Variants in TBC1D8B observed in about 807,000 individuals in gnomAD.
The protein encoded by TBC1D8B is RP11-321G1.1.
TBC1D8B carries 75 observed loss-of-function variants against 82.9 expected under a neutral mutation model. The observed-to-expected ratio is 0.90, with a 90% CI of 0.75 to 1.10. The LOEUF (loss-of-function observed/expected upper bound fraction) is 1.10, where lower values mean the gene tolerates loss of function less well. Ranked by LOEUF, TBC1D8B falls within the 50% of genes least tolerant of loss-of-function variation. The pLI, the probability that TBC1D8B is intolerant of heterozygous loss-of-function variation, is 0.00. For missense variants in TBC1D8B, 794 were observed against 796.9 expected, an observed-to-expected ratio of 1.00 and a Z score of 0.04; for synonymous variants, 276 against 276.8, an observed-to-expected ratio of 1.00 and a Z score of 0.03.
In TBC1D8B at chrX:106,875,223, T is replaced by G. The variant is rs1932879357; in HGVS notation, c.*1258T>G. 8.9e-6 allele frequency: 1 copy of G among 111,952 alleles called. No individual in the cohort carries two copies. The highest frequency in any genetic ancestry group is 3.3e-5 in the African/African-American group (1 of 30,731). The allele number at this position is 111,952 out of a possible 1,213,427, so 9.2% of individuals were successfully genotyped here. On this transcript the variant is annotated 3_prime_UTR_variant, in exon 21 of 21. Coordinates refer to ENST00000357242, the MANE Select transcript of TBC1D8B (RefSeq NM_017752.3). ...GGAGAAATCATTCATTGGAGCTTCTTTCTTTAGAAAAGACTTTGGTTATAA... is the reference window on the plus strand; with the variant it reads ...GGAGAAATCATTCATTGGAGCTTCTGTCTTTAGAAAAGACTTTGGTTATAA...
At chrX:106,833,427 G>GTA (rs1932090983) in intron 7 of TBC1D8B, among the ~76,000 whole-genome samples, 1 of 111,398 alleles carries the variant, frequency 9.0e-6, no homozygotes, top group African/African-American at 3.3e-5. Flanking sequence ...ATTTATCCAA[G>GTA]TATATATATA....
chrX:106,820,802 A>T, intron 2 of TBC1D8B, 75 bp from the exon 3 acceptor site: 1 of 670,985 alleles, frequency 1.5e-6, no homozygotes. Context: ...TTTTTAAACT[A>T]TGCTTTTAAA....
chrX:106,811,978 T>C (rs1287710442), intron 1 of TBC1D8B, among the ~76,000 whole-genome samples: 2 of 111,721 alleles, frequency 1.8e-5, no homozygotes, highest in Non-Finnish European at 3.8e-5. Context: ...AAGATTTCAG[T>C]TAGGGAAGGA....
chrX:106,836,700 T>C (rs1315621740), intron 7 of TBC1D8B, among the ~76,000 whole-genome samples: 2 of 110,887 alleles, frequency 1.8e-5, no homozygotes, highest in Non-Finnish European at 3.8e-5. Flanking sequence ...TAAAGTTTTA[T>C]GTGGAAATAC....
chrX:106,868,816 C>A (rs780089692), intron 18 of TBC1D8B, among the ~76,000 whole-genome samples: 1 of 112,098 alleles, frequency 8.9e-6, no homozygotes, highest in East Asian at 2.8e-4. Context: ...ATTTTTCAAA[C>A]AGTGAATACT....
intron 8 of TBC1D8B, 57 bp from the exon 9 acceptor site, chrX:106,839,991 T>G: frequency 9.1e-7 from 1 of 1,101,794 alleles, no homozygotes; most frequent in South Asian, 2.2e-5. Flanking sequence ...GGAAAGTTAT[T>G]TTGCAGAAGT....
chrX:106,850,340 G>C lies in TBC1D8B; in HGVS notation c.2123+30G>C, dbSNP rs901675677. The C allele has an allele frequency of 2.6e-6, 3 of 1,133,578 alleles. No individual in the cohort carries two copies. In the African/African-American group the frequency reaches 5.5e-5, roughly 21 times the overall value. The allele number at this position is 1,133,578 out of a possible 1,213,427, so 93.4% of individuals were successfully genotyped here. A position where few individuals can be genotyped will look rare whatever the true frequency, so the allele number is the denominator to read the frequency against. On this transcript the variant is annotated intron_variant, in intron 12 of 20. Transcript: ENST00000357242. ...TGTAAGAACCATAACATTTAAATCTGGAGGAGATTTGAGAGATGATGTTGT... is the reference window on the plus strand; with the variant it reads ...TGTAAGAACCATAACATTTAAATCTCGAGGAGATTTGAGAGATGATGTTGT...
chrX:106,834,103 A>G (rs1265013673), intron 7 of TBC1D8B, among the ~76,000 whole-genome samples: 3 of 110,845 alleles, frequency 2.7e-5, no homozygotes, highest in Non-Finnish European at 3.8e-5. Flanking sequence ...CTTGAATCCT[A>G]TCTATACTCA....
chrX:106,803,730 A>C (rs898019664), intron 1 of TBC1D8B, among the ~76,000 whole-genome samples: 4 of 111,316 alleles, frequency 3.6e-5, no homozygotes, highest in Non-Finnish European at 3.8e-5. Context: ...TGTCTAACCC[A>C]CCCTGACCCC....
intron 1 of TBC1D8B, among the ~76,000 whole-genome samples, chrX:106,809,616 G>A (rs990264112): frequency 2.7e-5 from 3 of 111,231 alleles, no homozygotes; most frequent in Admixed American, 9.6e-5. Flanking sequence ...AGGCGCAGTG[G>A]CTCACACCTG....
chrX:106,836,782 C>G (rs1932186525), intron 7 of TBC1D8B, among the ~76,000 whole-genome samples: 1 of 111,351 alleles, frequency 9.0e-6, no homozygotes, highest in African/African-American at 3.3e-5. Flanking sequence ...TTTCCAATTT[C>G]AAAACTTATT....
chrX:106,872,822 T>G (rs1247144673), intron 20 of TBC1D8B, among the ~76,000 whole-genome samples: 1 of 110,180 alleles, frequency 9.1e-6, no homozygotes, highest in Non-Finnish European at 1.9e-5. Context: ...ATGTGAAAAT[T>G]AGCCAGGCAT....
At chrX:106,810,609 C>G (rs1386449459) in intron 1 of TBC1D8B, among the ~76,000 whole-genome samples, 4 of 111,998 alleles carry the variant, frequency 3.6e-5, no homozygotes, top group Non-Finnish European at 7.5e-5. Flanking sequence ...CCATCCTGCT[C>G]TGAGCCAGAA....
At chrX:106,813,771 C>T (rs747742463) in intron 1 of TBC1D8B, 2 of 111,141 alleles carry the variant, frequency 1.8e-5, no homozygotes, top group South Asian at 7.6e-4. Context: ...TTGTCTTTTG[C>T]GACTACTCTT....
chrX:106,815,847 A>T (rs1343709528), intron 1 of TBC1D8B: 2 of 111,831 alleles, frequency 1.8e-5, no homozygotes, highest in Non-Finnish European at 3.8e-5. Context: ...AAGGCCTTTG[A>T]CAAAATTCAA....
chrX:106,826,258 T>A, intron 6 of TBC1D8B, 21 bp downstream of exon 6: 1 of 1,169,127 alleles, frequency 8.6e-7, no homozygotes, highest in Non-Finnish European at 1.2e-6. Flanking sequence ...TTTGGTTACA[T>A]ATCAGTTTTT....
intron 10 of TBC1D8B, among the ~76,000 whole-genome samples, chrX:106,843,407 C>T (rs1932364352): frequency 8.9e-6 from 1 of 111,939 alleles, no homozygotes; most frequent in South Asian, 3.7e-4. Context: ...AATTTCTGCA[C>T]ATCCTTGACA....
chrX:106,861,904 C>G (rs894501463), intron 14 of TBC1D8B, among the ~76,000 whole-genome samples: 3 of 111,969 alleles, frequency 2.7e-5, no homozygotes, highest in Admixed American at 9.5e-5. Context: ...ATTTAGCACT[C>G]CTTTCAAGAT....
intron 1 of TBC1D8B, among the ~76,000 whole-genome samples, chrX:106,816,632 A>C: frequency 1.0e-5 from 1 of 98,460 alleles, no homozygotes; most frequent in East Asian, 2.8e-4. Context: ...TTCATACTTG[A>C]ACTTTTTTTC....
Sources: allele counts gnomAD v4.1 joint callset (sites outside exome capture counted in the v4.1 genomes callset), GRCh38; gene constraint gnomAD v4.1.1; transcripts MANE v1.5; gene names NCBI Gene and HGNC (gene_info 2026-07-23, HGNC 2026-07-21).